FRK: variants seen among roughly 807,000 people sequenced by gnomAD.
FRK encodes tyrosine-protein kinase FRK.
FRK carries 51 observed loss-of-function variants against 56.4 expected under a neutral mutation model. The observed-to-expected ratio is 0.90, with a 90% confidence interval of 0.72 to 1.14. The LOEUF (loss-of-function observed/expected upper bound fraction) is 1.14, where lower values mean the gene tolerates loss of function less well. Among genes scored for constraint, FRK ranks in the 50% most tolerant of loss-of-function variants. The pLI is 0.00. For synonymous variants in FRK, 245 were observed against 217.9 expected, an observed-to-expected ratio of 1.12 and a Z score of -1.10; for missense variants, 570 against 601.4, an observed-to-expected ratio of 0.95 and a Z score of 0.55.
chr6:115,995,313 T>C (rs1008961257), intron 2 of FRK, among the ~76,000 whole-genome samples: 1 of 152,138 alleles, frequency 6.6e-6, no homozygotes, highest in Non-Finnish European at 1.5e-5. Context: ...TCAATTTACT[T>C]CAGCTGTTAA....
intron 2 of FRK, among the ~76,000 whole-genome samples, chr6:115,997,195 A>C (rs1006653189): frequency 3.9e-5 from 6 of 152,216 alleles, no homozygotes; most frequent in Non-Finnish European, 8.8e-5. Flanking sequence ...TACTTTGTAC[A>C]ATCATAGTCA....
chr6:116,034,187 G>A (rs1776390068), intron 1 of FRK, among the ~76,000 whole-genome samples: 1 of 152,052 alleles, frequency 6.6e-6, no homozygotes, highest in African/African-American at 2.4e-5. Flanking sequence ...ATGTTTAATA[G>A]TACAGCATGA....
chr6:116,038,247 T>C (rs1776561250), intron 1 of FRK, among the ~76,000 whole-genome samples: 1 of 152,226 alleles, frequency 6.6e-6, no homozygotes, highest in Non-Finnish European at 1.5e-5. Flanking sequence ...TTTAAAAATG[T>C]ATTTTTTAAT....
Position 115,944,375 on chromosome 6 carries a change from G to A in FRK, c.1009C>T (p.Gln337Ter), listed in dbSNP as rs777256878. 1.1e-5 allele frequency: 18 copies of A among 1,612,408 alleles called. No homozygotes were observed. The South Asian group carries it at 1.8e-4, about 16-fold the overall frequency. The part of the protein sequence containing the change: ...HLTQQVDMAA[Q>*]VASGMAYLES... ...AGATAGGCCATTCCAGAGGCAACCT[G>A]TGCCGCCATGTCTACCTGTTGAGTC... The change falls in exon 6 of 8, where the codon CAG (glutamine) becomes TAG (stop). Residue 337 changes from glutamine to a stop codon, truncating the protein, a stop_gained. Coordinates refer to ENST00000606080, the MANE Select transcript of FRK (RefSeq NM_002031.3). LOFTEE classifies it high-confidence loss of function.
chr6:116,089,383 A>G, the FRK span, among the ~76,000 whole-genome samples: 1 of 152,236 alleles, frequency 6.6e-6, no homozygotes, highest in African/African-American at 2.4e-5. Context: ...TTGTTTCCCA[A>G]AATGAACTCT....
chr6:115,984,578 T>C (rs573078240), intron 2 of FRK, among the ~76,000 whole-genome samples: 5 of 152,166 alleles, frequency 3.3e-5, no homozygotes, highest in Admixed American at 3.3e-4. Context: ...GATAAACAAA[T>C]GGATGCACTA....
At chr6:116,081,861 CA>C in the FRK span, among the ~76,000 whole-genome samples, 3 of 152,038 alleles carry the variant, frequency 2.0e-5, no homozygotes, top group African/African-American at 7.2e-5. Flanking sequence ...CATAGGCACA[CA>C]CCAAAAAGAA....
rs955765654 is a variant in FRK at position 115,942,126 on chromosome 6, A to G, written c.*288T>C. 1.1e-5 allele frequency: 3 copies of G among 279,430 alleles called. No individual in the cohort carries two copies. The highest frequency in any genetic ancestry group is 4.0e-5 in the South Asian group (1 of 24,940). 17.3% of individuals were successfully genotyped at this position (279,430 alleles called of 1,614,324 possible). A position where few individuals can be genotyped will look rare whatever the true frequency, so the allele number is the denominator to read the frequency against. On this transcript the variant is annotated 3_prime_UTR_variant, in exon 8 of 8. Coordinates refer to ENST00000606080, the MANE Select transcript of FRK (RefSeq NM_002031.3). ...GTTGATTCTCTTGATCGACATTTCA[A>G]ACAATAAATGGAAATGTAAGTATCT... is the stretch of plus-strand genomic sequence containing the variant.
intron 2 of FRK, among the ~76,000 whole-genome samples, chr6:116,003,114 T>G (rs949068455): frequency 1.3e-5 from 2 of 152,046 alleles, no homozygotes; most frequent in Non-Finnish European, 2.9e-5. Context: ...TCACATCTAA[T>G]TGGAGAAACA....
At chr6:116,064,467 T>G (rs545973812), upstream of FRK, among the ~76,000 whole-genome samples, 3 of 152,056 alleles carry the variant, frequency 2.0e-5, no homozygotes, top group Non-Finnish European at 4.4e-5. Flanking sequence ...GAGACAGAGA[T>G]AAAAATGGGG....
chr6:116,088,354 C>A, the FRK span, among the ~76,000 whole-genome samples: 1 of 152,114 alleles, frequency 6.6e-6, no homozygotes, highest in Non-Finnish European at 1.5e-5. Context: ...GAACTCAATA[C>A]CTCAGTGCAC....
intron 1 of FRK, among the ~76,000 whole-genome samples, chr6:116,036,553 T>C (rs1421577494): frequency 3.9e-5 from 6 of 152,148 alleles, no homozygotes; most frequent in African/African-American, 1.4e-4. Context: ...GACCTGTCAG[T>C]GTACAATGAT....
chr6:116,003,945 G>A lies in FRK; in HGVS notation c.398C>T (p.Ser133Leu), dbSNP rs34064900. ...TAGAAAGGAACCGGTCTTGTTTTCT[G>A]AATATAATAGTTGTTTCTCTGCATC... is the stretch of plus-strand genomic sequence containing the variant. The part of the protein sequence containing the change: ...RSDAEKQLLY[S>L]ENKTGSFLIR... Residue 133 changes from serine (S) to leucine (L), a missense_variant, in exon 2 of 8, where the codon TCA becomes TTA. Physicochemically the swap from Ser to Leu is moderately radical, Grantham distance 145. Coordinates refer to ENST00000606080, the MANE Select transcript of FRK (RefSeq NM_002031.3). The A allele has an allele frequency of 0.013, 20,531 of 1,612,920 alleles. 164 individuals carry two copies. Among genetic ancestry groups the A allele is most frequent in the Middle Eastern group, 0.016 (96 of 6,056 alleles).
chr6:116,006,213 G>A (rs1775241593), intron 1 of FRK, among the ~76,000 whole-genome samples: 1 of 152,134 alleles, frequency 6.6e-6, no homozygotes. Context: ...AGGATATGAT[G>A]ATGCCTGGAT....
At chr6:116,070,322 G>T in the FRK span, among the ~76,000 whole-genome samples, 14 of 152,168 alleles carry the variant, frequency 9.2e-5, no homozygotes, top group African/African-American at 3.4e-4. Context: ...CAGGGTTGGG[G>T]GGCTGCATGG....
chr6:115,994,321 A>AC lies in FRK; in HGVS notation c.466+9555dup, dbSNP rs1422664378. On this transcript the variant is annotated intron_variant, in intron 2 of 7. Coordinates refer to ENST00000606080, the MANE Select transcript of FRK (RefSeq NM_002031.3). Reference sequence around the variant, plus strand: ...GTTATTGGGTATCCAGAATCTCACAACCTCCCCCCCCCCCGCCTTTTTTTT... The same window carrying AC: ...GTTATTGGGTATCCAGAATCTCACAACCCTCCCCCCCCCCCGCCTTTTTTTT... Among the ~76,000 whole-genome samples the AC allele has an allele frequency of 8.3e-3, 395 of 47,720 alleles. 32 individuals are homozygous for AC. The highest frequency in any genetic ancestry group is 0.023 in the East Asian group (20 of 864). 31.3% of individuals were successfully genotyped at this position (47,720 alleles called of 152,430 possible).
intron 1 of FRK, chr6:116,039,483 T>G (rs1776628598): frequency 2.6e-6 from 4 of 1,512,840 alleles, no homozygotes. Flanking sequence ...ACATCATCAA[T>G]GCCAAACAAT....
intron 1 of FRK, among the ~76,000 whole-genome samples, chr6:116,008,078 TC>T (rs1382612692): frequency 8.5e-5 from 13 of 152,262 alleles, no homozygotes; most frequent in Admixed American, 4.6e-4. Context: ...TATATATCAT[TC>T]TCAAAACTAA....
At chr6:116,032,224 T>C (rs1181705034) in intron 1 of FRK, among the ~76,000 whole-genome samples, 1 of 152,084 alleles carries the variant, frequency 6.6e-6, no homozygotes, top group Non-Finnish European at 1.5e-5. Context: ...GGCAATATTA[T>C]AGAAATATTT....
Sources: allele counts gnomAD v4.1 joint callset (sites outside exome capture counted in the v4.1 genomes callset), GRCh38; gene constraint gnomAD v4.1.1; transcripts MANE v1.5; gene names NCBI Gene and HGNC (gene_info 2026-07-23, HGNC 2026-07-21).